GREB1L: variants seen among roughly 807,000 people sequenced by gnomAD.
GREB1L encodes GREB1 like retinoic acid receptor coactivator.
A neutral mutation model predicts 200.8 loss-of-function variants in GREB1L; 17 were observed. The observed-to-expected ratio is 0.08, with a 90% CI of 0.06 to 0.13. The LOEUF (loss-of-function observed/expected upper bound fraction) is 0.13, where lower values mean the gene tolerates loss of function less well. GREB1L is among the 10% of genes least tolerant of loss of function. The pLI is 1.00. For synonymous variants in GREB1L, 789 were observed against 893.0 expected, an observed-to-expected ratio of 0.88 and a Z score of 2.08; for missense variants, 1,657 against 2,367.7, an observed-to-expected ratio of 0.70 and a Z score of 6.23.
intron 1 of GREB1L, among the ~76,000 whole-genome samples, chr18:21,258,088 A>G (rs765553923): frequency 2.6e-5 from 4 of 152,210 alleles, no homozygotes; most frequent in Non-Finnish European, 5.9e-5. Context: ...CAACTAGATT[A>G]TAAGATTGGG....
At chr18:21,464,542 CAAAAAA>C (rs11477392) in intron 15 of GREB1L, among the ~76,000 whole-genome samples, 5 of 66,448 alleles carry the variant, frequency 7.5e-5, no homozygotes, top group Non-Finnish European at 1.0e-4. Context: ...GACACCATCT[CAAAAAA>C]AAAAAAAAAA....
At chr18:21,311,689 C>CAATCGAATAT (rs1488092239) in intron 1 of GREB1L, among the ~76,000 whole-genome samples, 3 of 151,920 alleles carry the variant, frequency 2.0e-5, no homozygotes, top group Non-Finnish European at 4.4e-5. Context: ...TGGGTTGGTG[C>CAATCGAATAT]AATCGAATAT....
At chr18:21,424,747 C>T (rs557840523) in intron 7 of GREB1L, among the ~76,000 whole-genome samples, 358 of 152,298 alleles carry the variant, frequency 2.4e-3, no homozygotes, top group Non-Finnish European at 4.1e-3. Flanking sequence ...GCAATCGTCA[C>T]CGCAGTAAAT....
intron 16 of GREB1L, 80 bp downstream of exon 16, chr18:21,473,291 C>G: frequency 8.8e-7 from 1 of 1,139,638 alleles, no homozygotes; most frequent in Admixed American, 3.3e-5. Context: ...TAAAGATGGC[C>G]AGGCGCGGTG....
At chr18:21,432,645 A>G (rs2049297056) in intron 7 of GREB1L, among the ~76,000 whole-genome samples, 1 of 140,496 alleles carries the variant, frequency 7.1e-6, no homozygotes, top group African/African-American at 2.7e-5. Flanking sequence ...TCAGGTGTAT[A>G]TTCATGATTT....
At chr18:21,370,458 T>C (rs2039830817) in intron 2 of GREB1L, among the ~76,000 whole-genome samples, 1 of 152,216 alleles carries the variant, frequency 6.6e-6, no homozygotes, top group South Asian at 2.1e-4. Context: ...TGTGTTTGGT[T>C]TATTTGTCTG....
At chr18:21,281,546 A>G (rs529583390) in intron 1 of GREB1L, among the ~76,000 whole-genome samples, 1 of 152,356 alleles carries the variant, frequency 6.6e-6, no homozygotes, top group South Asian at 2.1e-4. Context: ...CTCTATAGGT[A>G]ATAGAAGCTA....
In GREB1L at chr18:21,500,246, C is replaced by T; in HGVS notation, c.3909C>T (p.Asp1303=). 1 of 1,513,970 alleles carries T rather than the reference C, an allele frequency of 6.6e-7. No individual in the cohort carries two copies. The highest frequency in any genetic ancestry group is 8.9e-7 in the Non-Finnish European group (1 of 1,122,588). 93.8% of individuals were successfully genotyped at this position (1,513,970 alleles called of 1,614,324 possible). The stretch of plus-strand genomic sequence containing the variant: ...ACGCTGACTATAGCAACCAGCTGGA[C>T]CCGGCCTCTGGCACCCGAAACTTCC... The part of the protein sequence containing the change: ...QHHADYSNQL[D]PASGTRNFHP... Residue 1303 remains aspartate, a synonymous_variant, in exon 22 of 33, where the codon GAC becomes GAT. Coordinates refer to ENST00000424526, the MANE Select transcript of GREB1L (RefSeq NM_001142966.3).
chr18:21,513,790 G>A, intron 27 of GREB1L, 31 bp from the exon 28 acceptor site: 1 of 1,544,148 alleles, frequency 6.5e-7, no homozygotes. Flanking sequence ...AGGATGTGTG[G>A]ATATGCAGAT....
intron 1 of GREB1L, among the ~76,000 whole-genome samples, chr18:21,349,203 T>C (rs1174536124): frequency 6.6e-6 from 1 of 152,224 alleles, no homozygotes; most frequent in East Asian, 1.9e-4. Context: ...TTACCTTTTA[T>C]GTTTTAAAAC....
intron 15 of GREB1L, among the ~76,000 whole-genome samples, chr18:21,457,457 A>T (rs1598873317): frequency 6.6e-6 from 1 of 152,316 alleles, no homozygotes; most frequent in East Asian, 1.9e-4. Flanking sequence ...CCTTATTTTT[A>T]AAAAATAAAG....
intron 1 of GREB1L, among the ~76,000 whole-genome samples, chr18:21,250,924 T>C (rs2037691914): frequency 6.6e-6 from 1 of 152,212 alleles, no homozygotes; most frequent in South Asian, 2.1e-4. Context: ...TCAAACATCA[T>C]CAACATTTTG....
intron 1 of GREB1L, among the ~76,000 whole-genome samples, chr18:21,285,123 G>C (rs796190932): frequency 3.3e-5 from 5 of 151,874 alleles, no homozygotes; most frequent in African/African-American, 1.2e-4. Flanking sequence ...TCATTCTGTG[G>C]CTTGTCCATT....
At chr18:21,364,781 C>T (rs1313691486) in intron 1 of GREB1L, among the ~76,000 whole-genome samples, 3 of 150,516 alleles carry the variant, frequency 2.0e-5, no homozygotes, top group South Asian at 2.1e-4. Flanking sequence ...GTGTGCAGCA[C>T]GTGGCCAAAA....
intron 1 of GREB1L, among the ~76,000 whole-genome samples, chr18:21,342,043 AC>A (rs1373934545): frequency 6.6e-6 from 1 of 152,070 alleles, no homozygotes; most frequent in African/African-American, 2.4e-5. Context: ...TCATTATTAA[AC>A]CTCAATTTTG....
intron 27 of GREB1L, among the ~76,000 whole-genome samples, chr18:21,513,321 T>C (rs2037305258): frequency 6.6e-6 from 1 of 152,226 alleles, no homozygotes; most frequent in African/African-American, 2.4e-5. Context: ...GTCAGTTTCC[T>C]TGAAGTATCT....
intron 1 of GREB1L, among the ~76,000 whole-genome samples, chr18:21,270,371 C>A (rs183920875): frequency 1.2e-4 from 19 of 152,248 alleles, no homozygotes; most frequent in Admixed American, 1.1e-3. Context: ...GGCAAATAAT[C>A]ATTTTGGAGA....
At chr18:21,406,656 A>G (rs1367541546) in intron 7 of GREB1L, among the ~76,000 whole-genome samples, 1 of 152,094 alleles carries the variant, frequency 6.6e-6, no homozygotes, top group Non-Finnish European at 1.5e-5. Context: ...TTTCTATAGG[A>G]GATTGTTTTC....
At chr18:21,254,587 A>G (rs1022467305) in intron 1 of GREB1L, among the ~76,000 whole-genome samples, 1 of 152,124 alleles carries the variant, frequency 6.6e-6, no homozygotes, top group African/African-American at 2.4e-5. Context: ...AAGCACAAAA[A>G]ACTAAAGGTA....
Sources: allele counts gnomAD v4.1 joint callset (sites outside exome capture counted in the v4.1 genomes callset), GRCh38; gene constraint gnomAD v4.1.1; transcripts MANE v1.5; gene names NCBI Gene and HGNC (gene_info 2026-07-23, HGNC 2026-07-21).